Variants in EPHB1 observed in about 807,000 individuals in gnomAD.
EPHB1 encodes the protein EPH receptor B1, also known as ephrin type-B receptor 1.
Under a neutral mutation model 94.4 loss-of-function variants are expected in EPHB1, and 30 were observed. The ratio of observed to expected loss-of-function variants is 0.32; its 90% confidence interval spans 0.24 to 0.43. EPHB1 has a LOEUF of 0.43. Among genes scored for constraint, EPHB1 ranks in the 20% least tolerant of loss-of-function variants. The pLI is 1.00. For missense variants in EPHB1, 1,055 were observed against 1,308.3 expected (o/e 0.81, Z 2.99); for synonymous variants, 522 against 489.1 (o/e 1.07, Z -0.89).
intron 2 of EPHB1, among the ~76,000 whole-genome samples, chr3:134,937,950 T>G (rs2039039592): frequency 6.7e-6 from 1 of 148,844 alleles, no homozygotes; most frequent in Non-Finnish European, 1.5e-5. Context: ...TCTTGTTTTC[T>G]GGACCTCCTT....
chr3:134,818,523 C>A (rs188336151), intron 1 of EPHB1, among the ~76,000 whole-genome samples: 63 of 152,256 alleles, frequency 4.1e-4, no homozygotes, highest in Non-Finnish European at 6.6e-4. Context: ...ATCCCTTGCC[C>A]CCCTTCAACT....
chr3:135,135,609 A>T (rs1360373072), intron 5 of EPHB1, among the ~76,000 whole-genome samples: 1 of 152,160 alleles, frequency 6.6e-6, no homozygotes, highest in Non-Finnish European at 1.5e-5. Context: ...AATACCCCTG[A>T]GCTGGTCCAC....
At chr3:135,198,865 G>A (rs1481417243) in intron 11 of EPHB1, among the ~76,000 whole-genome samples, 1 of 152,162 alleles carries the variant, frequency 6.6e-6, no homozygotes, top group Non-Finnish European at 1.5e-5. Flanking sequence ...CTGCTCTGGA[G>A]GTTAAATAAC....
At chr3:135,011,387 T>G (rs185505501) in intron 3 of EPHB1, among the ~76,000 whole-genome samples, 1 of 152,366 alleles carries the variant, frequency 6.6e-6, no homozygotes, top group Non-Finnish European at 1.5e-5. Flanking sequence ...TTTTGACTTT[T>G]TCAAATGGCA....
At chr3:134,816,781 G>T (rs889557499) in intron 1 of EPHB1, among the ~76,000 whole-genome samples, 2 of 151,908 alleles carry the variant, frequency 1.3e-5, no homozygotes, top group African/African-American at 4.8e-5. Context: ...GCTTAGAAAA[G>T]CTGATATTCA....
chr3:135,258,582 C>G (rs1378691181), intron 15 of EPHB1, among the ~76,000 whole-genome samples: 2 of 152,090 alleles, frequency 1.3e-5, no homozygotes, highest in Admixed American at 1.3e-4. Flanking sequence ...ATCAGAAGAC[C>G]AGGTGAGCCC....
intron 1 of EPHB1, among the ~76,000 whole-genome samples, chr3:134,899,596 T>C (rs1045673317): frequency 6.6e-5 from 10 of 152,238 alleles, no homozygotes; most frequent in Admixed American, 2.6e-4. Context: ...CTAAAGTTGA[T>C]ATCTTCCTTA....
rs59675045 is a variant in EPHB1, at chr3:135,015,246, G to GT, written c.805+63206dup. On this transcript the variant is annotated intron_variant, in intron 3 of 15. Transcript: ENST00000398015. ...GTGCTGTCCAGTTGTCCAGTGCCTG[G>GT]TTTTTTTTTTTTGAGATGGAGTTTT... 9.1e-3 allele frequency among the ~76,000 whole-genome samples: 1,323 copies of GT among 145,874 alleles called. 7 individuals carry two copies. The highest frequency in any genetic ancestry group is 0.025 in the African/African-American group (1,009 of 40,014).
intron 1 of EPHB1, among the ~76,000 whole-genome samples, chr3:134,832,710 G>A (rs888794247): frequency 1.3e-5 from 2 of 152,002 alleles, no homozygotes; most frequent in East Asian, 1.9e-4. Context: ...TGATGTCATC[G>A]CACTCTAACT....
intron 3 of EPHB1, among the ~76,000 whole-genome samples, chr3:135,044,065 G>A (rs1936927318): frequency 6.6e-6 from 1 of 152,176 alleles, no homozygotes; most frequent in Admixed American, 6.5e-5. Context: ...TCAGAAAATG[G>A]ATTCTAATTA....
chr3:135,127,309 A>G (rs1022511373), intron 4 of EPHB1, among the ~76,000 whole-genome samples: 2 of 152,190 alleles, frequency 1.3e-5, no homozygotes, highest in Non-Finnish European at 2.9e-5. Context: ...GTGGTCATGC[A>G]CAGAGTAGGG....
At chr3:134,914,771 A>G (rs1338268792) in intron 1 of EPHB1, among the ~76,000 whole-genome samples, 3 of 152,178 alleles carry the variant, frequency 2.0e-5, no homozygotes, top group East Asian at 3.9e-4. Flanking sequence ...GACTAGCAGC[A>G]GCAGGGGGCT....
chr3:134,948,756 C>T (rs543913835), intron 2 of EPHB1, among the ~76,000 whole-genome samples: 42 of 152,362 alleles, frequency 2.8e-4, no homozygotes, highest in African/African-American at 9.6e-4. Flanking sequence ...GCCACTCCAG[C>T]GATGTGCTGC....
intron 1 of EPHB1, among the ~76,000 whole-genome samples, chr3:134,810,860 C>G (rs2036158450): frequency 6.6e-6 from 1 of 152,142 alleles, no homozygotes; most frequent in Non-Finnish European, 1.5e-5. Context: ...GCAGCCATCT[C>G]TCTCTATATA....
chr3:135,119,563 C>T (rs1409122080), intron 4 of EPHB1, among the ~76,000 whole-genome samples: 9 of 152,036 alleles, frequency 5.9e-5, no homozygotes, highest in Admixed American at 5.9e-4. Flanking sequence ...AGCAATTCTC[C>T]CACCTCAGCC....
intron 15 of EPHB1, among the ~76,000 whole-genome samples, chr3:135,254,671 T>A (rs1284273767): frequency 2.8e-5 from 4 of 142,728 alleles, no homozygotes; most frequent in Non-Finnish European, 4.7e-5. Flanking sequence ...TGGTCTAAAA[T>A]TCTCTTTTTT....
intron 2 of EPHB1, among the ~76,000 whole-genome samples, chr3:134,948,929 C>T (rs1214292258): frequency 6.6e-6 from 1 of 152,206 alleles, no homozygotes; most frequent in East Asian, 1.9e-4. Flanking sequence ...CAAAGAAGAA[C>T]AAAAAGCCAT....
chr3:134,975,785 G>T (rs1559779275), intron 3 of EPHB1, among the ~76,000 whole-genome samples: 3 of 152,024 alleles, frequency 2.0e-5, no homozygotes, highest in Non-Finnish European at 4.4e-5. Context: ...AGGGCAGGGG[G>T]GGAGTGAGAA....
chr3:135,162,265 A>AAATGCTG, intron 7 of EPHB1, 85 bp downstream of exon 7: 1 of 1,396,560 alleles, frequency 7.2e-7, no homozygotes, highest in Non-Finnish European at 9.5e-7. Flanking sequence ...CACTAGCCAA[A>AAATGCTG]AATGCTGATC....
Sources: allele counts gnomAD v4.1 joint callset (sites outside exome capture counted in the v4.1 genomes callset), GRCh38; gene constraint gnomAD v4.1.1; transcripts MANE v1.5; gene names NCBI Gene and HGNC (gene_info 2026-07-23, HGNC 2026-07-21).